NEK1: variants seen among roughly 807,000 people sequenced by gnomAD.
The protein encoded by NEK1 is serine/threonine-protein kinase Nek1.
NEK1 carries 137 observed loss-of-function variants against 182.1 expected under a neutral mutation model. The ratio of observed to expected loss-of-function variants is 0.75; its 90% CI spans 0.65 to 0.87. The LOEUF (loss-of-function observed/expected upper bound fraction) is 0.87. Ranked by LOEUF, NEK1 falls within the 40% of genes least tolerant of loss-of-function variation. The pLI is 0.00. For missense variants in NEK1, 1,391 were observed against 1,494.4 expected, an observed-to-expected ratio of 0.93 and a Z score of 1.14; for synonymous variants, 513 against 492.2, an observed-to-expected ratio of 1.04 and a Z score of -0.56.
intron 26 of NEK1, 150 bp downstream of exon 26, chr4:169,476,974 A>G (rs1317871233): frequency 7.4e-6 from 4 of 537,222 alleles, no homozygotes; most frequent in Non-Finnish European, 1.3e-5. Flanking sequence ...TGTGAGAGGG[A>G]GGCACTTCTA....
intron 29 of NEK1, 37 bp from the exon 30 acceptor site, chr4:169,426,271 A>C: frequency 6.5e-7 from 1 of 1,534,060 alleles, no homozygotes; most frequent in Non-Finnish European, 9.0e-7. Context: ...AAACACACAC[A>C]CTTAGTTTAC....
chr4:169,506,697 G>A (rs58602886), intron 23 of NEK1: 16,892 of 151,858 alleles, frequency 0.11, 1,009 homozygotes, highest in East Asian at 0.17. Flanking sequence ...AGCCGAGATC[G>A]TGTCACTGCA....
At chr4:169,583,090 T>C (rs1171324141) in intron 10 of NEK1, among the ~76,000 whole-genome samples, 2 of 152,036 alleles carry the variant, frequency 1.3e-5, no homozygotes, top group African/African-American at 4.8e-5. Context: ...AATAATAGTT[T>C]ATATGTTACA....
At chr4:169,438,837 T>C (rs1738896137) in intron 27 of NEK1, among the ~76,000 whole-genome samples, 1 of 152,212 alleles carries the variant, frequency 6.6e-6, no homozygotes, top group Non-Finnish European at 1.5e-5. Flanking sequence ...AAGGTAGGCC[T>C]CTTGGTTTGT....
chr4:169,401,941 A>C, intron 32 of NEK1, 81 bp from the exon 33 acceptor site: 1 of 1,197,808 alleles, frequency 8.3e-7, no homozygotes, highest in Non-Finnish European at 1.2e-6. Flanking sequence ...CCTCATACTG[A>C]AATTTTACTT....
chr4:169,437,905 G>A (rs536915260), intron 28 of NEK1, among the ~76,000 whole-genome samples, 178 bp downstream of exon 28: 3 of 152,210 alleles, frequency 2.0e-5, no homozygotes, highest in South Asian at 2.1e-4. Flanking sequence ...CTAAGTTTTG[G>A]GGTGACTTGT....
At chr4:169,507,011 G>C in intron 23 of NEK1, 26 bp downstream of exon 23, 1 of 1,494,656 alleles carries the variant, frequency 6.7e-7, no homozygotes, top group Non-Finnish European at 9.2e-7. Flanking sequence ...ATACAACCAG[G>C]ATTAAGAATA....
At chr4:169,461,737 A>G (rs760224322) in intron 27 of NEK1, among the ~76,000 whole-genome samples, 1 of 152,134 alleles carries the variant, frequency 6.6e-6, no homozygotes, top group Non-Finnish European at 1.5e-5. Flanking sequence ...AATTACCTAA[A>G]TATCTCTGCA....
intron 31 of NEK1, among the ~76,000 whole-genome samples, chr4:169,412,133 G>T (rs979109762): frequency 3.3e-5 from 5 of 152,198 alleles, no homozygotes; most frequent in Admixed American, 3.3e-4. Context: ...GCACATAGCA[G>T]ATATTTAATA....
intron 23 of NEK1, among the ~76,000 whole-genome samples, chr4:169,499,857 T>C (rs1752092911): frequency 6.6e-6 from 1 of 152,182 alleles, no homozygotes. Context: ...AGGGACCCAC[T>C]TGAGGAGGCA....
chr4:169,408,867 G>T (rs1040033687), intron 31 of NEK1, among the ~76,000 whole-genome samples: 2 of 152,182 alleles, frequency 1.3e-5, no homozygotes, highest in East Asian at 1.9e-4. Context: ...TTATTCACTC[G>T]TTGGTTGATG....
intron 31 of NEK1, among the ~76,000 whole-genome samples, chr4:169,409,809 G>A (rs1476717273): frequency 6.6e-6 from 1 of 152,114 alleles, no homozygotes; most frequent in East Asian, 1.9e-4. Flanking sequence ...GGCCGTTCTT[G>A]CAGGTGTAAG....
At chr4:169,479,276 T>G in intron 24 of NEK1, 127 bp downstream of exon 24, 8 of 972,510 alleles carry the variant, frequency 8.2e-6, no homozygotes, top group Non-Finnish European at 1.2e-5. Context: ...TAAAATCCCT[T>G]AAAAAGTAAT....
intron 23 of NEK1, among the ~76,000 whole-genome samples, chr4:169,493,445 A>T (rs927000713): frequency 4.6e-5 from 7 of 152,242 alleles, no homozygotes; most frequent in Non-Finnish European, 7.3e-5. Flanking sequence ...TCCTAAGCAG[A>T]CTGAAATATC....
intron 2 of NEK1, among the ~76,000 whole-genome samples, chr4:169,607,302 A>G (rs951678944): frequency 6.6e-6 from 1 of 152,210 alleles, no homozygotes; most frequent in Non-Finnish European, 1.5e-5. Context: ...TTAAACAAAA[A>G]CAGATATAGA....
intron 27 of NEK1, among the ~76,000 whole-genome samples, chr4:169,456,154 A>T (rs190018450): frequency 6.6e-6 from 1 of 152,248 alleles, no homozygotes; most frequent in East Asian, 1.9e-4. Flanking sequence ...AATTGAAAAA[A>T]ATTTTGAAAC....
At chr4:169,546,287 T>C (rs755938606) in intron 18 of NEK1, among the ~76,000 whole-genome samples, 3 of 152,182 alleles carry the variant, frequency 2.0e-5, no homozygotes, top group Non-Finnish European at 2.9e-5. Context: ...CATGGAGTTG[T>C]GCGATTTTGA....
intron 27 of NEK1, among the ~76,000 whole-genome samples, chr4:169,452,096 T>C (rs1741910910): frequency 6.6e-6 from 1 of 151,510 alleles, no homozygotes; most frequent in African/African-American, 2.4e-5. Flanking sequence ...TTTAACAATA[T>C]ACTCTCCCAA....
chr4:169,497,992 G>A (rs1474157034), intron 23 of NEK1, among the ~76,000 whole-genome samples: 1 of 152,146 alleles, frequency 6.6e-6, no homozygotes, highest in Non-Finnish European at 1.5e-5. Context: ...TCTGTCTAAC[G>A]TTGACAATGG....
Sources: gnomAD v4.1 joint callset for allele counts (sites outside exome capture counted in the v4.1 genomes callset) on GRCh38, gnomAD v4.1.1 for gene constraint, MANE v1.5 for transcripts, NCBI Gene and HGNC (gene_info 2026-07-23, HGNC 2026-07-21) for gene names.